The following EML4 variants were observed in gnomAD, a reference collection of about 807,000 sequenced individuals.
EML4 encodes echinoderm microtubule-associated protein-like 4.
EML4 carries 72 observed loss-of-function variants against 129.0 expected under a neutral mutation model. The ratio of observed to expected loss-of-function variants is 0.56; its 90% confidence interval spans 0.46 to 0.68. The LOEUF is 0.68. Ranked by LOEUF, EML4 falls within the 30% of genes least tolerant of loss-of-function variation. The pLI, the probability that EML4 is intolerant of heterozygous loss-of-function variation, is 0.00. For synonymous variants in EML4, 532 were observed against 405.0 expected (o/e 1.31, Z -3.77); for missense variants, 1,363 against 1,190.6 (o/e 1.14, Z -2.13).
chr2:42,191,017 T>G (rs1279016268), intron 1 of EML4, among the ~76,000 whole-genome samples: 1 of 152,270 alleles, frequency 6.6e-6, no homozygotes, highest in Admixed American at 6.5e-5. Flanking sequence ...GCATTTGTTT[T>G]ATGGTTATAG....
intron 2 of EML4, among the ~76,000 whole-genome samples, chr2:42,249,329 C>G (rs763908398): frequency 6.6e-6 from 1 of 150,932 alleles, no homozygotes; most frequent in Non-Finnish European, 1.5e-5. Flanking sequence ...TTTATAGTAT[C>G]GAGTATCACA....
At chr2:42,193,989 G>A (rs1349107279) in intron 1 of EML4, among the ~76,000 whole-genome samples, 1 of 152,136 alleles carries the variant, frequency 6.6e-6, no homozygotes, top group South Asian at 2.1e-4. Flanking sequence ...CTGACCTGCA[G>A]TCTTATTTTA....
intron 1 of EML4, among the ~76,000 whole-genome samples, chr2:42,188,463 C>T (rs72796509): frequency 0.025 from 3,759 of 152,014 alleles, 84 homozygotes; most frequent in Middle Eastern, 0.075. Flanking sequence ...CTGAAGTGAT[C>T]CGCCAGTCTC....
intron 19 of EML4, among the ~76,000 whole-genome samples, chr2:42,321,325 G>A (rs1003164347): frequency 6.6e-6 from 1 of 152,134 alleles, no homozygotes. Flanking sequence ...GGAGCTTGCA[G>A]TGAGCCAAGA....
chr2:42,310,377 C>T (rs907421556), intron 17 of EML4, among the ~76,000 whole-genome samples: 2 of 151,576 alleles, frequency 1.3e-5, no homozygotes, highest in East Asian at 3.9e-4. Context: ...CAGAGTCTTG[C>T]TCTGTCTCCC....
chr2:42,214,548 A>G (rs1673066743), intron 1 of EML4, among the ~76,000 whole-genome samples: 1 of 152,126 alleles, frequency 6.6e-6, no homozygotes, highest in Admixed American at 6.5e-5. Context: ...TATTCTGGTT[A>G]AAAAAACAAA....
At chr2:42,287,201 G>C (rs926075585) in intron 10 of EML4, among the ~76,000 whole-genome samples, 4 of 152,276 alleles carry the variant, frequency 2.6e-5, no homozygotes, top group East Asian at 3.9e-4. Context: ...TTTTAGAGCA[G>C]AAAGATAAAT....
In EML4 at chr2:42,288,293, C is replaced by T; in HGVS notation, c.1189C>T (p.Gln397Ter). 1 of 1,569,938 alleles carries T rather than the reference C, an allele frequency of 6.4e-7. No individual in the cohort carries two copies. ...GCATATGCTTACTGTATGGGACTGGCAGAAGAAAGCAAAAGGAGCAGAAAT... is the reference window on the plus strand; with the variant it reads ...GCATATGCTTACTGTATGGGACTGGTAGAAGAAAGCAAAAGGAGCAGAAAT... ...NEHMLTVWDWQKKAKGAEIKT... is the reference protein window; with the variant it reads ...NEHMLTVWDW The change falls in exon 11 of 23, where the codon CAG becomes TAG. Residue 397 changes from glutamine to a stop codon, truncating the protein, a stop_gained. Coordinates refer to ENST00000318522, the MANE Select transcript of EML4 (RefSeq NM_019063.5). LOFTEE classifies it high-confidence loss of function.
intron 1 of EML4, among the ~76,000 whole-genome samples, chr2:42,198,401 C>G (rs762877589): frequency 1.3e-5 from 2 of 151,994 alleles, no homozygotes; most frequent in Admixed American, 6.6e-5. Context: ...TCAAGAGGCA[C>G]CTGTTTTAAT....
At chr2:42,200,288 G>A (rs6544513) in intron 1 of EML4, among the ~76,000 whole-genome samples, 68,551 of 151,862 alleles carry the variant, frequency 0.45, 16,087 homozygotes, top group East Asian at 0.74. Context: ...TTGGGCCACT[G>A]CACTCCAGCC....
intron 20 of EML4, 52 bp downstream of exon 20, chr2:42,325,606 ATATATATATATATATATATATATAT>A: frequency 1.4e-4 from 4 of 28,646 alleles, no homozygotes; most frequent in Non-Finnish European, 1.8e-4. Context: ...TTATATTTAT[ATATATATATATATATATATATATAT>A]ATATATATGC....
At chr2:42,255,103 T>C (rs921542405) in intron 2 of EML4, among the ~76,000 whole-genome samples, 2 of 152,080 alleles carry the variant, frequency 1.3e-5, no homozygotes, top group Non-Finnish European at 2.9e-5. Context: ...TTCTTTTCTT[T>C]GAGACGGAGT....
At chr2:42,289,887 G>T (rs911707653) in intron 11 of EML4, 1 of 135,500 alleles carries the variant, frequency 7.4e-6, no homozygotes, top group East Asian at 2.2e-4. Flanking sequence ...GGCCAACATC[G>T]TGAAGCCCCA....
intron 1 of EML4, among the ~76,000 whole-genome samples, chr2:42,215,362 C>G (rs1296484753): frequency 6.6e-6 from 1 of 152,104 alleles, no homozygotes; most frequent in African/African-American, 2.4e-5. Flanking sequence ...CATAAAACCA[C>G]TTTTTAACAG....
At chr2:42,239,016 G>C (rs543667311) in intron 1 of EML4, among the ~76,000 whole-genome samples, 1 of 152,116 alleles carries the variant, frequency 6.6e-6, no homozygotes, top group African/African-American at 2.4e-5. Flanking sequence ...CAATCATCCT[G>C]CCTCAACGTC....
Position 42,282,835 on chromosome 2 carries a change from A to G in EML4, c.804A>G (p.Arg268=), listed in dbSNP as rs773001487. ...KLKLEWAYGY[R]GKDCRANVYL... ...TTTTTCTGTTAAGATATGGTTATCG[A>G]GGAAAGGACTGTAGAGCTAATGTTT... is the stretch of plus-strand genomic sequence containing the variant. Residue 268 remains arginine, a synonymous_variant, in exon 8 of 23, where the codon CGA becomes CGG. Coordinates refer to ENST00000318522, the MANE Select transcript of EML4 (RefSeq NM_019063.5). 13 of 1,611,644 alleles carry G rather than the reference A, an allele frequency of 8.1e-6. No individual in the cohort carries two copies. The highest frequency in any genetic ancestry group is 1.1e-5 in the Non-Finnish European group (13 of 1,179,016).
chr2:42,239,962 G>A (rs890966947), intron 1 of EML4, among the ~76,000 whole-genome samples: 5 of 152,152 alleles, frequency 3.3e-5, no homozygotes, highest in Admixed American at 2.6e-4. Context: ...AAGAACAAGA[G>A]CAATGCATAA....
intron 21 of EML4, among the ~76,000 whole-genome samples, chr2:42,328,590 G>A (rs1420856202): frequency 6.6e-6 from 1 of 152,198 alleles, no homozygotes; most frequent in Non-Finnish European, 1.5e-5. Context: ...TGTAAGTCAA[G>A]CTGAAAGTAA....
chr2:42,259,870 C>T (rs1265333222), intron 3 of EML4, among the ~76,000 whole-genome samples: 3 of 151,508 alleles, frequency 2.0e-5, no homozygotes. Context: ...GCTGGGGCTA[C>T]AGGCGCCCAC....
Sources: gnomAD v4.1 joint callset for allele counts (sites outside exome capture counted in the v4.1 genomes callset) on GRCh38, gnomAD v4.1.1 for gene constraint, MANE v1.5 for transcripts, NCBI Gene and HGNC (gene_info 2026-07-23, HGNC 2026-07-21) for gene names.